The following NBEAL1 variants were observed in gnomAD, a reference collection of about 807,000 sequenced individuals.
The protein encoded by NBEAL1 is neurobeachin-like protein 1.
A neutral mutation model predicts 351.3 loss-of-function variants in NBEAL1; 273 were observed. The ratio of observed to expected loss-of-function variants is 0.78; its 90% CI spans 0.70 to 0.86. The LOEUF (loss-of-function observed/expected upper bound fraction) is 0.86, where lower values mean the gene tolerates loss of function less well. Among genes scored for constraint, NBEAL1 ranks in the 40% least tolerant of loss-of-function variants. The probability of loss-of-function intolerance (pLI) is 0.00; values close to 1 mark genes in which losing one functional copy is unlikely to be tolerated. For synonymous variants in NBEAL1, 1,050 were observed against 1,086.4 expected (o/e 0.97, Z 0.66); for missense variants, 2,961 against 3,201.3 (o/e 0.92, Z 1.81).
Position 203,084,574 on chromosome 2 carries a change from T to C in NBEAL1, c.1098+5T>C. 6.9e-7 allele frequency: 1 copy of C among 1,443,578 alleles called. No homozygotes were observed. Among genetic ancestry groups the C allele is most frequent in the Non-Finnish European group, 9.3e-7 (1 of 1,078,394 alleles). The allele number at this position is 1,443,578 out of a possible 1,614,324, so 89.4% of individuals were successfully genotyped here. ...CGACTGCTACAGAACTGCAAGGTAT[T>C]TTTCTATTATTGTTGTTGTCTTTGA... On this transcript the variant is annotated splice_donor_5th_base_variant and intron_variant, in intron 10 of 55. Transcript: ENST00000683969.
chr2:203,169,932 AT>A, intron 39 of NBEAL1, 81 bp downstream of exon 39: 1 of 880,292 alleles, frequency 1.1e-6, no homozygotes, highest in Non-Finnish European at 1.8e-6. Context: ...TTTTCCTTTG[AT>A]TTTTACAACT....
intron 40 of NBEAL1, 118 bp downstream of exon 40, chr2:203,172,141 G>A (rs994050193): frequency 6.7e-5 from 31 of 464,830 alleles, no homozygotes; most frequent in African/African-American, 6.1e-4. Flanking sequence ...TGGCCTTTCT[G>A]TATGTTTTCT....
chr2:203,078,238 G>C (rs2061811271), intron 8 of NBEAL1, among the ~76,000 whole-genome samples: 1 of 151,784 alleles, frequency 6.6e-6, no homozygotes, highest in Non-Finnish European at 1.5e-5. Context: ...TTTTGTAAGT[G>C]TATATGTTTT....
In NBEAL1 at chr2:203,223,079, A is replaced by G. The variant is rs2065968379; in HGVS notation, c.*5725A>G. On this transcript the variant is annotated 3_prime_UTR_variant, in exon 56 of 56. Transcript: ENST00000683969. ...TTATTTGATTATAGTAATTCATCAG[A>G]CACATCTCCTTCGTTTGGTGATTAT... Among the ~76,000 whole-genome samples, 1 of 152,164 alleles carries G rather than the reference A, an allele frequency of 6.6e-6. No homozygotes were observed. The highest frequency in any genetic ancestry group is 1.5e-5 in the Non-Finnish European group (1 of 68,004).
intron 55 of NBEAL1, among the ~76,000 whole-genome samples, chr2:203,214,776 C>T (rs2065870642): frequency 6.6e-6 from 1 of 152,088 alleles, no homozygotes; most frequent in African/African-American, 2.4e-5. Flanking sequence ...CTCTGTACTA[C>T]AGTTTAGAAT....
At position 203,199,465 on chromosome 2, in the gene NBEAL1, TA is replaced by T. The variant is rs746973862; in HGVS notation, c.7238+21del. The T allele has an allele frequency of 4.7e-6, 6 of 1,272,576 alleles. No homozygotes were observed. The South Asian group carries it at 4.9e-5, about 10-fold the overall frequency. The allele number at this position is 1,272,576 out of a possible 1,614,324, so 78.8% of individuals were successfully genotyped here. The stretch of plus-strand genomic sequence containing the variant: ...AATCCAAAGTAAGTAAATGAATATG[TA>T]AAGCAAAATAGCTATACCAGATACC... On this transcript the variant is annotated intron_variant, in intron 49 of 55. Coordinates refer to ENST00000683969, the MANE Select transcript of NBEAL1 (RefSeq NM_001378026.1).
chr2:203,075,234 T>C (rs1171217402), intron 7 of NBEAL1: 1 of 152,238 alleles, frequency 6.6e-6, no homozygotes, highest in Admixed American at 6.5e-5. Flanking sequence ...ATGACTTCAA[T>C]AAACTTAAAC....
chr2:203,062,883 A>G lies in NBEAL1; in HGVS notation c.515+5430A>G, dbSNP rs565812557. Among the ~76,000 whole-genome samples, 3 of 152,360 alleles carry G rather than the reference A, an allele frequency of 2.0e-5. No homozygotes were observed. Among genetic ancestry groups the G allele is most frequent in the Admixed American group, 1.3e-4 (2 of 15,306 alleles). On this transcript the variant is annotated intron_variant, in intron 6 of 55. Coordinates refer to ENST00000683969, the MANE Select transcript of NBEAL1 (RefSeq NM_001378026.1). The surrounding 1 kb of genome is among the most constrained non-coding windows in gnomAD (Gnocchi z 4.2). ...GACCTATACAAAGGGATCTACAGCA[A>G]TAATTTACACCTTATTTATTAATCT...
chr2:203,099,675 C>A lies in NBEAL1; in HGVS notation c.1232C>A (p.Ala411Asp). The change falls in exon 12 of 56, where the codon GCT becomes GAT. Residue 411 changes from alanine to aspartate, a missense_variant. Physicochemically the swap from Ala to Asp is moderately radical, Grantham distance 126 (BLOSUM62 -2). Coordinates refer to ENST00000683969, the MANE Select transcript of NBEAL1 (RefSeq NM_001378026.1). ...LDCLAISTIQ[A>D]LTAVMNKSPA... ...TGTTTGGCCATATCAACCATTCAGG[C>A]TTTGACCGCAGTAATGAACAAATCT... is the stretch of plus-strand genomic sequence containing the variant. The A allele has an allele frequency of 6.4e-7, 1 of 1,551,544 alleles. No homozygotes were observed. Among genetic ancestry groups the A allele is most frequent in the Non-Finnish European group, 8.7e-7 (1 of 1,146,758 alleles).
At chr2:203,164,702 A>G (rs920725359) in intron 36 of NBEAL1, among the ~76,000 whole-genome samples, 3 of 152,296 alleles carry the variant, frequency 2.0e-5, no homozygotes, top group African/African-American at 4.8e-5. Flanking sequence ...TAAAATGGTG[A>G]TACAGAACTT....
intron 55 of NBEAL1, among the ~76,000 whole-genome samples, chr2:203,215,214 G>T (rs910145147): frequency 6.6e-6 from 1 of 151,776 alleles, no homozygotes; most frequent in Non-Finnish European, 1.5e-5. Context: ...AAATTAGCCG[G>T]GTGTGGGCCA....
intron 3 of NBEAL1, among the ~76,000 whole-genome samples, chr2:203,046,756 C>T (rs2061233391): frequency 6.6e-6 from 1 of 152,204 alleles, no homozygotes; most frequent in Non-Finnish European, 1.5e-5. Context: ...GGCTTAATCA[C>T]TTCCTAAATG....
chr2:203,133,198 T>G (rs1275910698), intron 27 of NBEAL1, 52 bp downstream of exon 27: 1 of 739,836 alleles, frequency 1.4e-6, no homozygotes, highest in Non-Finnish European at 2.1e-6. Context: ...ACCATCATGC[T>G]ATAAATAACT....
intron 10 of NBEAL1, among the ~76,000 whole-genome samples, chr2:203,087,039 A>G (rs1230072320): frequency 6.8e-6 from 1 of 147,660 alleles, no homozygotes; most frequent in Non-Finnish European, 1.5e-5. Context: ...TTCAGGCTTT[A>G]ATTTTTTTGC....
rs1371306549 is a variant in NBEAL1 at position 203,108,084 on chromosome 2, A to G, written c.1845A>G (p.Lys615=). 7.7e-6 allele frequency: 12 copies of G among 1,552,090 alleles called. No homozygotes were observed. Among genetic ancestry groups the G allele is most frequent in the Admixed American group, 2.0e-5 (1 of 50,990 alleles). ...GAATTTCTGTGCCTCCCATACAGAA[A>G]TGGCCAGGGTCTGCCTTTTCTTTCA... ...MAGISVPPIQ[K]WPGSAFSFSA... The change falls in exon 14 of 56, where the codon AAA becomes AAG. Residue 615 remains lysine (K), a synonymous_variant. Coordinates refer to ENST00000683969, the MANE Select transcript of NBEAL1 (RefSeq NM_001378026.1).
intron 37 of NBEAL1, 82 bp downstream of exon 37, chr2:203,166,379 C>G (rs2064132431): frequency 1.5e-6 from 2 of 1,294,762 alleles, no homozygotes; most frequent in Admixed American, 5.2e-5. Context: ...AAGAAGAAAG[C>G]AGTAAGATAT....
Position 203,110,147 on chromosome 2 carries a change from T to A in NBEAL1, c.1950-3T>A, listed in dbSNP as rs749851102. ...AAGTTCTGATAATACGTATTTTTTT[T>A]AGTTTTTTTACAGGAAGTGGCATGG... On this transcript the variant is annotated splice_polypyrimidine_tract_variant and splice_region_variant and intron_variant, in intron 14 of 55. Transcript: ENST00000683969. The A allele has an allele frequency of 5.2e-6, 8 of 1,544,892 alleles. No homozygotes were observed. The highest frequency in any genetic ancestry group is 4.9e-5 in the East Asian group (2 of 40,882).
rs529676821 is a variant in NBEAL1, at chr2:203,133,258, G to A, written c.3813+112G>A. On this transcript the variant is annotated intron_variant, in intron 27 of 55. Coordinates refer to ENST00000683969, the MANE Select transcript of NBEAL1 (RefSeq NM_001378026.1). ...AGTTTTCATTTATTTTATAAATGACGTAATTTTATAAGTAAACAATTTTCT... is the reference window on the plus strand; with the variant it reads ...AGTTTTCATTTATTTTATAAATGACATAATTTTATAAGTAAACAATTTTCT... The A allele has an allele frequency of 2.1e-4, 96 of 453,530 alleles. 1 individual carries two copies. The highest frequency in any genetic ancestry group is 6.9e-4 in the Admixed American group (16 of 23,262). The allele number at this position is 453,530 out of a possible 1,614,324, so 28.1% of individuals were successfully genotyped here.
At chr2:203,021,712 A>C (rs1237169585) in intron 2 of NBEAL1, among the ~76,000 whole-genome samples, 1 of 152,124 alleles carries the variant, frequency 6.6e-6, no homozygotes, top group Non-Finnish European at 1.5e-5. Flanking sequence ...TTTTGTTTCT[A>C]TATTATTATA....
Sources: gnomAD v4.1 joint callset for allele counts (sites outside exome capture counted in the v4.1 genomes callset) on GRCh38, gnomAD v4.1.1 for gene constraint, Gnocchi (gnomAD v3.1) non-coding constraint, MANE v1.5 for transcripts, NCBI Gene and HGNC (gene_info 2026-07-23, HGNC 2026-07-21) for gene names.